Variants in SKIC8 observed in about 807,000 individuals in gnomAD.
SKIC8 encodes the protein superkiller complex protein 8.
At chr15:78,285,986 G>T in the SKIC8 span, 1 of 1,451,958 alleles carries the variant, frequency 6.9e-7, no homozygotes, top group Non-Finnish European at 9.5e-7. Context: ...ATCTATACAA[G>T]AAGACTGCTC....
At chr15:78,294,050 C>T in the SKIC8 span, among the ~76,000 whole-genome samples, 1 of 152,182 alleles carries the variant, frequency 6.6e-6, no homozygotes, top group Non-Finnish European at 1.5e-5. Flanking sequence ...AATATAAAGG[C>T]ATTAAACTTA....
At chr15:78,288,062 C>A in the SKIC8 span, among the ~76,000 whole-genome samples, 1 of 152,132 alleles carries the variant, frequency 6.6e-6, no homozygotes, top group Non-Finnish European at 1.5e-5. Context: ...GAAAAAGTAG[C>A]AAGTATCTGA....
chr15:78,287,849 A>G, the SKIC8 span, among the ~76,000 whole-genome samples: 1 of 152,200 alleles, frequency 6.6e-6, no homozygotes, highest in Admixed American at 6.5e-5. Context: ...GGCCTGTAGC[A>G]GGGCGGCTTA....
the SKIC8 span, chr15:78,283,523 T>C: frequency 6.2e-7 from 1 of 1,604,074 alleles, no homozygotes; most frequent in Non-Finnish European, 8.5e-7. Flanking sequence ...TCCCCAGACC[T>C]GTAAATTTAA....
chr15:78,290,351 G>A, the SKIC8 span, among the ~76,000 whole-genome samples: 15 of 152,174 alleles, frequency 9.9e-5, no homozygotes, highest in African/African-American at 3.6e-4. Context: ...TTCATACACT[G>A]GTGGGAATGT....
At chr15:78,285,407 G>T in the SKIC8 span, 1 of 1,408,524 alleles carries the variant, frequency 7.1e-7, no homozygotes, top group Non-Finnish European at 1.0e-6. Context: ...ATCCTTTGAT[G>T]ACTTACATTC....
the SKIC8 span, chr15:78,290,418 A>G: frequency 3.9e-6 from 1 of 256,350 alleles, no homozygotes. Flanking sequence ...GAAAACAAAC[A>G]CTTACCATGA....
chr15:78,296,783 A>G, the SKIC8 span, among the ~76,000 whole-genome samples: 13 of 152,326 alleles, frequency 8.5e-5, no homozygotes, highest in African/African-American at 3.1e-4. Flanking sequence ...GATTACAGGT[A>G]TGAGCCACCA....
At chr15:78,285,832 A>C in the SKIC8 span, 2 of 480,120 alleles carry the variant, frequency 4.2e-6, no homozygotes, top group Admixed American at 7.4e-5. Context: ...GAAAAAACTA[A>C]GAGTTTTACT....
the SKIC8 span, chr15:78,294,857 G>T: frequency 1.3e-6 from 2 of 1,511,876 alleles, no homozygotes; most frequent in Non-Finnish European, 1.8e-6. Flanking sequence ...CTTGAAAACT[G>T]CATGTCTGGT....
At chr15:78,283,566 TATA>T in the SKIC8 span, 33 of 1,390,212 alleles carry the variant, frequency 2.4e-5, no homozygotes, top group African/African-American at 7.2e-5. Context: ...CTTTATTCTT[TATA>T]ATATTTATGA....
At chr15:78,295,601 C>T in the SKIC8 span, 862 of 1,592,630 alleles carry the variant, frequency 5.4e-4, 1 homozygote, top group African/African-American at 0.01. Flanking sequence ...CTTGACTACA[C>T]ATCCAGAAAA....
At chr15:78,297,673 T>C in the SKIC8 span, among the ~76,000 whole-genome samples, 2 of 152,118 alleles carry the variant, frequency 1.3e-5, no homozygotes, top group Non-Finnish European at 2.9e-5. Flanking sequence ...TGGAAGAAAA[T>C]GCTAAATTTC....
chr15:78,293,495 T>C, the SKIC8 span: 1 of 487,424 alleles, frequency 2.1e-6, no homozygotes, highest in Non-Finnish European at 3.7e-6. Context: ...GGCGACAAGG[T>C]AGTACTTCGG....
At chr15:78,296,062 A>G in the SKIC8 span, 1 of 176,808 alleles carries the variant, frequency 5.7e-6, no homozygotes, top group Non-Finnish European at 1.2e-5. Context: ...TATTTATTAA[A>G]AACAAACAAA....
At chr15:78,285,336 C>T in the SKIC8 span, 121 of 1,614,016 alleles carry the variant, frequency 7.5e-5, no homozygotes, top group Non-Finnish European at 9.7e-5. Context: ...TTTTGTCAGA[C>T]GAACTATTTT....
At chr15:78,288,911 C>T in the SKIC8 span, 1 of 452,842 alleles carries the variant, frequency 2.2e-6, no homozygotes, top group Admixed American at 2.4e-5. Flanking sequence ...ACAATACTTT[C>T]ATCCACCTTC....
the SKIC8 span, among the ~76,000 whole-genome samples, chr15:78,291,499 A>G: frequency 6.6e-6 from 1 of 152,158 alleles, no homozygotes; most frequent in Non-Finnish European, 1.5e-5. Flanking sequence ...TTTTCCAAAT[A>G]CATATCCCAC....
At chr15:78,296,234 C>T in the SKIC8 span, among the ~76,000 whole-genome samples, 45 of 151,952 alleles carry the variant, frequency 3.0e-4, no homozygotes, top group African/African-American at 1.0e-3. Flanking sequence ...GGTGAAACCA[C>T]GTCTCTAATA....
Sources: allele counts gnomAD v4.1 joint callset (sites outside exome capture counted in the v4.1 genomes callset), GRCh38; gene constraint gnomAD v4.1.1; transcripts MANE v1.5; gene names NCBI Gene and HGNC (gene_info 2026-07-23, HGNC 2026-07-21).